The following FUS variants were observed in gnomAD, a reference collection of about 807,000 sequenced individuals.
The protein encoded by FUS is RNA-binding protein FUS.
A neutral mutation model predicts 82.7 loss-of-function variants in FUS; 5 were observed. The observed-to-expected ratio is 0.06, with a 90% CI of 0.03 to 0.13. FUS has a LOEUF of 0.13. Ranked by LOEUF, FUS falls within the 10% of genes least tolerant of loss-of-function variation. The probability of loss-of-function intolerance (pLI) is 1.00; values close to 1 mark genes in which losing one functional copy is unlikely to be tolerated. For missense variants in FUS, 512 were observed against 707.8 expected (o/e 0.72, Z 3.14); for synonymous variants, 281 against 247.4 (o/e 1.14, Z -1.27).
Position 31,188,289 on chromosome 16 carries a change from G to GT in FUS, c.800-26dup, listed in dbSNP as rs759867403. On this transcript the variant is annotated intron_variant, in intron 7 of 14. Transcript: ENST00000254108. ...AACGGCTCATCTTTTCCTTGTTTTT[G>GT]TTTTTTTTTTGTTCTTTTTTTCCAT... The GT allele has an allele frequency of 0.019, 22,583 of 1,194,310 alleles. 24 individuals are homozygous for GT. The highest frequency in any genetic ancestry group is 0.088 in the Middle Eastern group (419 of 4,778). 74.0% of individuals were successfully genotyped at this position (1,194,310 alleles called of 1,614,324 possible). A position where few individuals can be genotyped will look rare whatever the true frequency, so the allele number is the denominator to read the frequency against.
downstream of FUS, chr16:31,192,760 G>A (rs1208624877): frequency 4.2e-6 from 2 of 480,100 alleles, no homozygotes; most frequent in African/African-American, 3.9e-5. Context: ...TAGTGGAGGT[G>A]TGGTTTCACT....
rs1313024427 is a variant in FUS, at chr16:31,189,661, T to TG, written c.937-4_937-3insG. The TG allele has an allele frequency of 6.2e-7, 1 of 1,614,136 alleles. No individual in the cohort carries two copies. Among genetic ancestry groups the TG allele is most frequent in the Admixed American group, 1.7e-5 (1 of 60,032 alleles). On this transcript the variant is annotated splice_region_variant and splice_polypyrimidine_tract_variant and intron_variant, in intron 9 of 14. Transcript: ENST00000254108. Reference sequence around the variant, plus strand: ...TTGATGTTACCTCATTTTGCTTTCTTCAGACAAACAAGAAAACGGGACAGC... The same window carrying TG: ...TTGATGTTACCTCATTTTGCTTTCTTGCAGACAAACAAGAAAACGGGACAGC...
Position 31,185,809 on chromosome 16 carries a change from C to T in FUS, c.764+630C>T, listed in dbSNP as rs942407713. 3 of 286,096 alleles carry T rather than the reference C, an allele frequency of 1.0e-5. No homozygotes were observed. The South Asian group carries it at 1.4e-4, about 13-fold the overall frequency. The allele number at this position is 286,096 out of a possible 1,614,324, so 17.7% of individuals were successfully genotyped here. On this transcript the variant is annotated intron_variant, in intron 6 of 14. Coordinates refer to ENST00000254108, the MANE Select transcript of FUS (RefSeq NM_004960.4). ...TATTTGTTCCACTGTCTGCCTTCCC[C>T]TGGTTACTTAAAATTCATCAGCTTG...
intron 5 of FUS, 50 bp downstream of exon 5, chr16:31,184,446 T>C: frequency 6.5e-7 from 1 of 1,528,346 alleles, no homozygotes; most frequent in Non-Finnish European, 8.9e-7. Context: ...TTCTTTTTTT[T>C]TTTTTTTTTG....
intron 1 of FUS, among the ~76,000 whole-genome samples, chr16:31,181,553 C>A (rs1227083031): frequency 6.6e-6 from 1 of 152,126 alleles, no homozygotes; most frequent in Non-Finnish European, 1.5e-5. Flanking sequence ...TGGCTTTGCA[C>A]TAAAAAGCCC....
At chr16:31,180,428 G>T (rs2058038318) in intron 1 of FUS, among the ~76,000 whole-genome samples, 1 of 152,134 alleles carries the variant, frequency 6.6e-6, no homozygotes, top group Non-Finnish European at 1.5e-5. Flanking sequence ...CGCGCGGGGC[G>T]GGAAGTCTTT....
Position 31,189,532 on chromosome 16 carries a change from G to A in FUS, c.937-133G>A, listed in dbSNP as rs2079320868. ...TTTTCTTTAATGGAGGTTTACATGT[G>A]AGGTAGGAAGAAGTAACTGGGAAGA... On this transcript the variant is annotated intron_variant, in intron 9 of 14. Transcript: ENST00000254108. 6.6e-6 allele frequency: 8 copies of A among 1,209,156 alleles called. 1 individual carries two copies. The South Asian group carries it at 1.0e-4, about 15-fold the overall frequency. The allele number at this position is 1,209,156 out of a possible 1,614,324, so 74.9% of individuals were successfully genotyped here.
chr16:31,182,778 G>T (rs976548213), intron 3 of FUS, 114 bp downstream of exon 3: 1 of 1,274,740 alleles, frequency 7.8e-7, no homozygotes, highest in East Asian at 2.3e-5. Context: ...GTGCAGTGGT[G>T]CTGTCTCAGC....
chr16:31,191,927 T>C (rs1015209079), downstream of FUS: 1 of 534,630 alleles, frequency 1.9e-6, no homozygotes. Context: ...TTAAGAACTC[T>C]TTGATCTTTT....
rs185933137 is a variant in FUS at position 31,190,014 on chromosome 16, C to T, written c.1067-26C>T. 2.5e-4 allele frequency: 396 copies of T among 1,593,782 alleles called. 1 individual carries two copies. Among genetic ancestry groups the T allele is most frequent in the Non-Finnish European group, 3.2e-4 (375 of 1,167,522 alleles). On this transcript the variant is annotated intron_variant, in intron 10 of 14. Coordinates refer to ENST00000254108, the MANE Select transcript of FUS (RefSeq NM_004960.4). ...GATTAATGTGTCTTGCATTTAAAGT[C>T]TGTTGATGATTTTTTGTTTCTCTAG...
chr16:31,194,252 C>G, downstream of FUS: 1 of 530,676 alleles, frequency 1.9e-6, no homozygotes, highest in Non-Finnish European at 3.6e-6. Flanking sequence ...ACTCACTGAT[C>G]TACCTTTAGG....
chr16:31,185,774 G>T, intron 6 of FUS: 1 of 311,228 alleles, frequency 3.2e-6, no homozygotes, highest in Non-Finnish European at 6.5e-6. Context: ...TTTGACAGTG[G>T]TCTCCCACCT....
intron 6 of FUS, chr16:31,185,607 C>G: frequency 7.9e-6 from 4 of 506,142 alleles, no homozygotes; most frequent in Non-Finnish European, 7.7e-6. Context: ...GTTAACCTGA[C>G]TTCAGCTTCC....
downstream of FUS, chr16:31,194,532 C>T (rs766083481): frequency 2.6e-5 from 13 of 499,484 alleles, no homozygotes; most frequent in Non-Finnish European, 4.7e-5. Flanking sequence ...CAAAACTGCT[C>T]TGGGCTCAAG....
intron 8 of FUS, 123 bp downstream of exon 8, chr16:31,188,480 A>C: frequency 2.0e-6 from 2 of 1,007,180 alleles, no homozygotes; most frequent in African/African-American, 1.6e-5. Context: ...GAAGGGAGTT[A>C]GGTGTGTCCT....
chr16:31,188,376 G>C lies in FUS; in HGVS notation c.832+19G>C. ...GACTCCGGTGAGTTCACACGTGGTG[G>C]CATGAAAAGAGTGGCTAAAGTGGTA... On this transcript the variant is annotated intron_variant, in intron 8 of 14. Transcript: ENST00000254108. The C allele has an allele frequency of 6.2e-7, 1 of 1,613,522 alleles. No individual in the cohort carries two copies. Among genetic ancestry groups the C allele is most frequent in the South Asian group, 1.1e-5 (1 of 91,060 alleles).
chr16:31,180,133 G>A (rs747437408), upstream of FUS: 5 of 1,563,266 alleles, frequency 3.2e-6, no homozygotes, highest in South Asian at 1.2e-5. Context: ...CGCAGGAGGC[G>A]GGGCTGCTCA....
chr16:31,192,818 T>C (rs1296586577), downstream of FUS: 2 of 481,508 alleles, frequency 4.2e-6, no homozygotes, highest in South Asian at 3.1e-5. Context: ...GTGATCCACC[T>C]GCCTTGGCCT....
At chr16:31,193,007 G>A, downstream of FUS, 1 of 485,418 alleles carries the variant, frequency 2.1e-6, no homozygotes, top group South Asian at 1.5e-5. Flanking sequence ...TGTTGCCCAG[G>A]CTGGAGTGCA....
Sources: gnomAD v4.1 joint callset for allele counts (sites outside exome capture counted in the v4.1 genomes callset) on GRCh38, gnomAD v4.1.1 for gene constraint, MANE v1.5 for transcripts, NCBI Gene and HGNC (gene_info 2026-07-23, HGNC 2026-07-21) for gene names.